The following GOLGA1 variants were observed in gnomAD, a reference collection of about 807,000 sequenced individuals.
GOLGA1 encodes the protein golgin A1.
Under a neutral mutation model 119.7 loss-of-function variants are expected in GOLGA1, and 63 were observed. The ratio of observed to expected loss-of-function variants is 0.53; its 90% confidence interval spans 0.43 to 0.65. The LOEUF (loss-of-function observed/expected upper bound fraction) is 0.65, where lower values mean the gene tolerates loss of function less well. Ranked by LOEUF, GOLGA1 falls within the 30% of genes least tolerant of loss-of-function variation. GOLGA1 has a pLI of 0.00. For synonymous variants in GOLGA1, 318 were observed against 333.4 expected, an observed-to-expected ratio of 0.95 and a Z score of 0.50; for missense variants, 798 against 912.8, an observed-to-expected ratio of 0.87 and a Z score of 1.62.
In GOLGA1 at chr9:124,901,075, C is replaced by A. The variant is rs10986478; in HGVS notation, c.1066-528G>T. On this transcript the variant is annotated intron_variant, in intron 12 of 22. Transcript: ENST00000373555. Reference sequence around the variant, plus strand: ...CAAGCTCCGCCTCCTGGGTTCACGTCATTCTCCTCCCTCAGCCTTCTGAGT... The same window carrying A: ...CAAGCTCCGCCTCCTGGGTTCACGTAATTCTCCTCCCTCAGCCTTCTGAGT... 5.4e-5 allele frequency among the ~76,000 whole-genome samples: 8 copies of A among 147,390 alleles called. No individual in the cohort carries two copies. The East Asian group carries it at 1.7e-3, about 30-fold the overall frequency.
intron 16 of GOLGA1, among the ~76,000 whole-genome samples, chr9:124,890,059 C>T (rs1377046684): frequency 6.6e-6 from 1 of 152,186 alleles, no homozygotes; most frequent in African/African-American, 2.4e-5. Flanking sequence ...CTCAACCCAA[C>T]CTTACGTGGC....
chr9:124,903,920 G>A (rs1306090357), intron 12 of GOLGA1, among the ~76,000 whole-genome samples: 1 of 151,824 alleles, frequency 6.6e-6, no homozygotes, highest in Non-Finnish European at 1.5e-5. Context: ...GTGGTGGAGC[G>A]TGCCTGTAGG....
intron 10 of GOLGA1, among the ~76,000 whole-genome samples, chr9:124,919,560 G>A (rs557838417): frequency 2.6e-5 from 4 of 152,284 alleles, no homozygotes; most frequent in South Asian, 4.1e-4. Context: ...TGTCACTTAC[G>A]GTTATAACTG....
intron 19 of GOLGA1, among the ~76,000 whole-genome samples, chr9:124,887,905 T>C (rs1260957404): frequency 3.3e-5 from 5 of 152,166 alleles, no homozygotes; most frequent in African/African-American, 4.8e-5. Flanking sequence ...CAGCTATCAG[T>C]GCTTTACTTC....
intron 6 of GOLGA1, among the ~76,000 whole-genome samples, chr9:124,927,270 C>T (rs1830692523): frequency 6.6e-6 from 1 of 152,138 alleles, no homozygotes. Context: ...AAGAATTATG[C>T]CCCTTATTCA....
intron 5 of GOLGA1, 129 bp downstream of exon 5, chr9:124,929,087 T>A: frequency 1.5e-6 from 1 of 660,870 alleles, no homozygotes; most frequent in Non-Finnish European, 2.7e-6. Context: ...ATCAACCTGA[T>A]TAAGAAGTAC....
chr9:124,934,321 G>A (rs1343252343), intron 3 of GOLGA1, among the ~76,000 whole-genome samples: 1 of 152,160 alleles, frequency 6.6e-6, no homozygotes, highest in Non-Finnish European at 1.5e-5. Context: ...ACAGAGGTTA[G>A]CAGAAGACAA....
intron 20 of GOLGA1, 89 bp from the exon 21 acceptor site, chr9:124,882,043 A>C: frequency 1.0e-6 from 1 of 1,002,376 alleles, no homozygotes. Flanking sequence ...CCAAACTATG[A>C]TCACTATCGT....
intron 15 of GOLGA1, among the ~76,000 whole-genome samples, chr9:124,895,769 CAG>C (rs1564326960): frequency 6.7e-6 from 1 of 149,140 alleles, no homozygotes; most frequent in Non-Finnish European, 1.5e-5. Context: ...ACCTCCACAA[CAG>C]AGAGCCTCCA....
upstream of GOLGA1, chr9:124,944,483 T>A (rs1831111305): frequency 6.7e-6 from 1 of 149,676 alleles, no homozygotes; most frequent in Non-Finnish European, 1.4e-5. Context: ...TTTTTTTTTT[T>A]TTTTTTTTGT....
At chr9:124,897,376 A>C (rs904223465) in intron 15 of GOLGA1, among the ~76,000 whole-genome samples, 1 of 151,926 alleles carries the variant, frequency 6.6e-6, no homozygotes, top group Non-Finnish European at 1.5e-5. Flanking sequence ...ACGGAGTCTC[A>C]CTCTGTCACC....
intron 16 of GOLGA1, 88 bp downstream of exon 16, chr9:124,890,301 G>A: frequency 1.1e-6 from 1 of 891,192 alleles, no homozygotes. Flanking sequence ...GGAGAGACAG[G>A]CCCTCTCCAA....
chr9:124,888,177 G>T lies in GOLGA1; in HGVS notation c.1905+76C>A. The T allele has an allele frequency of 7.1e-7, 1 of 1,409,832 alleles. No homozygotes were observed. The highest frequency in any genetic ancestry group is 1.0e-6 in the Non-Finnish European group (1 of 1,000,122). 87.3% of individuals were successfully genotyped at this position (1,409,832 alleles called of 1,614,324 possible). A position where few individuals can be genotyped will look rare whatever the true frequency, so the allele number is the denominator to read the frequency against. On this transcript the variant is annotated intron_variant, in intron 19 of 22. Coordinates refer to ENST00000373555, the MANE Select transcript of GOLGA1 (RefSeq NM_002077.4). This position sits in a 1 kb window ranked among gnomAD's most constrained non-coding sequence, Gnocchi z 4.4. Reference sequence around the variant, plus strand: ...GGGGGAAACCACAAAAACCTCCAAGGATGGACTGGGTCATTTTAGGCCTGA... The same window carrying T: ...GGGGGAAACCACAAAAACCTCCAAGTATGGACTGGGTCATTTTAGGCCTGA...
At chr9:124,919,966 A>AT (rs974785474) in intron 10 of GOLGA1, among the ~76,000 whole-genome samples, 8 of 150,560 alleles carry the variant, frequency 5.3e-5, no homozygotes, top group Non-Finnish European at 8.8e-5. Flanking sequence ...TTATTTTATT[A>AT]TTTTTTTAAG....
At chr9:124,883,351 T>C (rs1829634744) in intron 19 of GOLGA1, among the ~76,000 whole-genome samples, 1 of 152,108 alleles carries the variant, frequency 6.6e-6, no homozygotes, top group African/African-American at 2.4e-5. Context: ...AATGGTGCAA[T>C]CTCGGCTCAC....
At chr9:124,897,571 C>T (rs931931346) in intron 15 of GOLGA1, among the ~76,000 whole-genome samples, 1 of 152,166 alleles carries the variant, frequency 6.6e-6, no homozygotes, top group African/African-American at 2.4e-5. Flanking sequence ...GAACTTCTGA[C>T]CTCAGGTGAT....
upstream of GOLGA1, chr9:124,942,736 A>G (rs1564350649): frequency 6.6e-6 from 1 of 152,244 alleles, no homozygotes; most frequent in Non-Finnish European, 1.5e-5. Flanking sequence ...ACATTTATCA[A>G]TGTGAAAATT....
chr9:124,893,920 G>T (rs560227556), intron 15 of GOLGA1, among the ~76,000 whole-genome samples: 2 of 152,130 alleles, frequency 1.3e-5, no homozygotes, highest in Non-Finnish European at 2.9e-5. Context: ...GAGTCCTCAG[G>T]TGAGCTGGTC....
intron 7 of GOLGA1, 65 bp downstream of exon 7, chr9:124,926,644 A>C: frequency 1.0e-6 from 1 of 990,000 alleles, no homozygotes; most frequent in Non-Finnish European, 1.6e-6. Flanking sequence ...GTTACCGGAT[A>C]AAACGTTTTC....
Sources: gnomAD v4.1 joint callset for allele counts (sites outside exome capture counted in the v4.1 genomes callset) on GRCh38, gnomAD v4.1.1 for gene constraint, Gnocchi (gnomAD v3.1) non-coding constraint, MANE v1.5 for transcripts, NCBI Gene and HGNC (gene_info 2026-07-23, HGNC 2026-07-21) for gene names.